Variants in NCOA2 observed in about 807,000 individuals in gnomAD.
NCOA2 encodes the protein class E basic helix-loop-helix protein 75.
A neutral mutation model predicts 145.1 loss-of-function variants in NCOA2; 21 were observed. That is an observed-to-expected ratio of 0.14 (90% CI 0.10 to 0.21). The LOEUF is 0.21. Among genes scored for constraint, NCOA2 ranks in the 10% least tolerant of loss-of-function variants. The pLI is 1.00. For missense variants in NCOA2, 1,472 were observed against 1,837.6 expected, an observed-to-expected ratio of 0.80 and a Z score of 3.64; for synonymous variants, 619 against 637.5, an observed-to-expected ratio of 0.97 and a Z score of 0.44.
chr8:70,269,121 T>A (rs1320338932), intron 2 of NCOA2, among the ~76,000 whole-genome samples: 1 of 152,230 alleles, frequency 6.6e-6, no homozygotes, highest in Non-Finnish European at 1.5e-5. Context: ...ATGTAATTTT[T>A]TAAAATCAGT....
In NCOA2 at chr8:70,204,110, C is replaced by T. The variant is rs570419230; in HGVS notation, c.259+9793G>A. 2.4e-3 allele frequency among the ~76,000 whole-genome samples: 366 copies of T among 152,012 alleles called. 2 individuals are homozygous for T. Among genetic ancestry groups the T allele is most frequent in the African/African-American group, 8.2e-3 (340 of 41,436 alleles). ...GCAACCTCTGCTTCCCGGGTTCAAGCGATTCTTCTGCCTCAGCCTCCTGAG... is the reference window on the plus strand; with the variant it reads ...GCAACCTCTGCTTCCCGGGTTCAAGTGATTCTTCTGCCTCAGCCTCCTGAG... On this transcript the variant is annotated intron_variant, in intron 4 of 22. Coordinates refer to ENST00000452400, the MANE Select transcript of NCOA2 (RefSeq NM_006540.4).
chr8:70,441,057 GAGAGAA>G, the NCOA2 span, among the ~76,000 whole-genome samples: 1,675 of 6,472 alleles, frequency 0.26, 41 homozygotes, highest in African/African-American at 0.29. Flanking sequence ...AGAAAAGAAA[GAGAGAA>G]AGAAAGAAGA....
chr8:70,163,812 G>T (rs938393364), intron 7 of NCOA2, among the ~76,000 whole-genome samples: 1 of 151,960 alleles, frequency 6.6e-6, no homozygotes, highest in African/African-American at 2.4e-5. Context: ...AAGTCCCCGC[G>T]ATACATGTGA....
At chr8:70,273,867 C>T (rs1825258632) in intron 2 of NCOA2, 1 of 539,108 alleles carries the variant, frequency 1.9e-6, no homozygotes, top group Non-Finnish European at 3.6e-6. Flanking sequence ...AGTGACTCAA[C>T]TTCTGAAGAC....
intron 2 of NCOA2, among the ~76,000 whole-genome samples, chr8:70,284,329 C>A (rs189400381): frequency 6.6e-6 from 1 of 152,240 alleles, no homozygotes; most frequent in East Asian, 1.9e-4. Context: ...TAAAAGGAGG[C>A]CTGACAGGGT....
At chr8:70,155,825 C>T in intron 11 of NCOA2, 146 bp downstream of exon 11, 1 of 693,054 alleles carries the variant, frequency 1.4e-6, no homozygotes, top group Non-Finnish European at 2.3e-6. Context: ...TTGAAACACA[C>T]AGCTTCAGCG....
chr8:70,300,938 T>A (rs1196783693), intron 1 of NCOA2, among the ~76,000 whole-genome samples: 1 of 152,178 alleles, frequency 6.6e-6, no homozygotes, highest in Non-Finnish European at 1.5e-5. Flanking sequence ...GCTACTATCA[T>A]GTCCACCTTA....
the NCOA2 span, among the ~76,000 whole-genome samples, chr8:70,442,127 GA>G: frequency 8.2e-6 from 1 of 121,524 alleles, no homozygotes; most frequent in South Asian, 2.8e-4. Context: ...AAGAAAGAAA[GA>G]AAGAAAGAAA....
At chr8:70,322,724 G>A (rs933251609) in intron 1 of NCOA2, among the ~76,000 whole-genome samples, 1 of 152,048 alleles carries the variant, frequency 6.6e-6, no homozygotes, top group African/African-American at 2.4e-5. Context: ...GTTTTTAACA[G>A]AACAATATAT....
At chr8:70,180,917 A>G (rs1458604012) in intron 4 of NCOA2, among the ~76,000 whole-genome samples, 1 of 152,264 alleles carries the variant, frequency 6.6e-6, no homozygotes, top group Non-Finnish European at 1.5e-5. Flanking sequence ...GGTGAGAACA[A>G]TAAATTAGAA....
intron 1 of NCOA2, among the ~76,000 whole-genome samples, chr8:70,360,925 G>A (rs1810139186): frequency 7.0e-6 from 1 of 142,096 alleles, no homozygotes; most frequent in Non-Finnish European, 1.5e-5. Context: ...GTGACAGAGT[G>A]AGTGGAGATT....
intron 1 of NCOA2, chr8:70,402,316 TCGG>T (rs1814351805): frequency 6.6e-6 from 1 of 152,220 alleles, no homozygotes; most frequent in Non-Finnish European, 1.5e-5. Flanking sequence ...GTGTTCAGGC[TCGG>T]TCTCTGGTTT....
chr8:70,321,092 A>G (rs1390160942), intron 1 of NCOA2, among the ~76,000 whole-genome samples: 1 of 152,166 alleles, frequency 6.6e-6, no homozygotes, highest in African/African-American at 2.4e-5. Flanking sequence ...TCTGAGCTCC[A>G]AATTAACTTT....
At chr8:70,225,967 G>A (rs1237529978) in intron 2 of NCOA2, among the ~76,000 whole-genome samples, 1 of 152,134 alleles carries the variant, frequency 6.6e-6, no homozygotes, top group Non-Finnish European at 1.5e-5. Flanking sequence ...TAAGGGCACA[G>A]AAGAGCAGCT....
the NCOA2 span, among the ~76,000 whole-genome samples, chr8:70,447,249 C>A: frequency 6.6e-6 from 1 of 152,178 alleles, no homozygotes; most frequent in South Asian, 2.1e-4. Flanking sequence ...CCTTAAGATG[C>A]AGACCAGACT....
At position 70,403,808 on chromosome 8, in the gene NCOA2, T is replaced by C. The variant is rs975852557; in HGVS notation, c.-185A>G. 3.0e-5 allele frequency: 12 copies of C among 397,374 alleles called. No homozygotes were observed. The highest frequency in any genetic ancestry group is 5.3e-5 in the Non-Finnish European group (12 of 225,400). The allele number at this position is 397,374 out of a possible 1,614,324, so 24.6% of individuals were successfully genotyped here. On this transcript the variant is annotated 5_prime_UTR_variant, in exon 1 of 23. Coordinates refer to ENST00000452400, the MANE Select transcript of NCOA2 (RefSeq NM_006540.4). The stretch of plus-strand genomic sequence containing the variant: ...GCCATGTTCCCGTGTTAATAACTGC[T>C]GCCTGGTTGTTTATTTCAATGGAGA...
intron 4 of NCOA2, among the ~76,000 whole-genome samples, chr8:70,207,535 G>A (rs1488172865): frequency 6.6e-6 from 1 of 152,200 alleles, no homozygotes; most frequent in Non-Finnish European, 1.5e-5. Flanking sequence ...TGAATTATAT[G>A]TAGTTCAGTG....
At chr8:70,267,354 T>A (rs139447385) in intron 2 of NCOA2, among the ~76,000 whole-genome samples, 2 of 151,976 alleles carry the variant, frequency 1.3e-5, no homozygotes, top group African/African-American at 2.4e-5. Flanking sequence ...TATCCTCATT[T>A]CCCACCAGAA....
intron 1 of NCOA2, among the ~76,000 whole-genome samples, chr8:70,305,948 G>A (rs1021221830): frequency 1.3e-5 from 2 of 152,098 alleles, no homozygotes; most frequent in African/African-American, 4.8e-5. Context: ...ATTTTACTGA[G>A]TCATCCCATG....
Sources: allele counts gnomAD v4.1 joint callset (sites outside exome capture counted in the v4.1 genomes callset), GRCh38; gene constraint gnomAD v4.1.1; transcripts MANE v1.5; gene names NCBI Gene and HGNC (gene_info 2026-07-23, HGNC 2026-07-21).